CSMD2: variants seen among roughly 807,000 people sequenced by gnomAD.
The protein encoded by CSMD2 is CUB and Sushi multiple domains 2.
Under a neutral mutation model 398.5 loss-of-function variants are expected in CSMD2, and 130 were observed. The observed-to-expected ratio is 0.33, with a 90% CI of 0.28 to 0.38. The LOEUF (loss-of-function observed/expected upper bound fraction) is 0.38. Ranked by LOEUF, CSMD2 falls within the 10% of genes least tolerant of loss-of-function variation. CSMD2 has a pLI of 1.00. For synonymous variants in CSMD2, 1,828 were observed against 1,908.5 expected (o/e 0.96, Z 1.10); for missense variants, 3,829 against 4,764.9 (o/e 0.80, Z 5.78).
intron 2 of CSMD2, among the ~76,000 whole-genome samples, chr1:34,069,436 G>A (rs1182894038): frequency 6.6e-6 from 1 of 152,190 alleles, no homozygotes; most frequent in Non-Finnish European, 1.5e-5. Flanking sequence ...TGGGTGCTTG[G>A]CTTGCATACA....
Position 33,668,257 on chromosome 1 carries a change from C to T in CSMD2, c.4053-5165G>A, listed in dbSNP as rs541882721. Among the ~76,000 whole-genome samples, 183 of 152,224 alleles carry T rather than the reference C, an allele frequency of 1.2e-3. 1 individual carries two copies. The highest frequency in any genetic ancestry group is 4.3e-3 in the African/African-American group (177 of 41,544). ...GATGGGGGGAGATGTTTGGTGTGTA[C>T]TATAGGAGCTGAGGGAAGTCATTGG... On this transcript the variant is annotated intron_variant, in intron 25 of 70. Transcript: ENST00000373381.
chr1:33,694,506 G>A (rs567695601), intron 24 of CSMD2, among the ~76,000 whole-genome samples: 21 of 152,178 alleles, frequency 1.4e-4, no homozygotes, highest in Non-Finnish European at 1.8e-4. Flanking sequence ...GAGCTCTCAC[G>A]AGATCTGATG....
chr1:33,987,501 G>A (rs1646400079), intron 3 of CSMD2, among the ~76,000 whole-genome samples: 1 of 152,136 alleles, frequency 6.6e-6, no homozygotes, highest in African/African-American at 2.4e-5. Context: ...GTCCTAACCA[G>A]TATATTAAAC....
chr1:34,087,652 AT>A (rs1658053971), intron 2 of CSMD2, among the ~76,000 whole-genome samples: 5 of 141,758 alleles, frequency 3.5e-5, no homozygotes, highest in African/African-American at 1.3e-4. Context: ...AATAATAATA[AT>A]AATAAAGCCA....
chr1:34,089,810 C>T lies in CSMD2; in HGVS notation c.188-617G>A, dbSNP rs112362022. On this transcript the variant is annotated intron_variant, in intron 1 of 70. Coordinates refer to ENST00000373381, the MANE Select transcript of CSMD2 (RefSeq NM_001281956.2). ...TTTCTAACGTGTGTTCAGTCATTTC[C>T]TCTCCACTAGTATCTTCTCATTTTA... Among the ~76,000 whole-genome samples, 303 of 152,220 alleles carry T rather than the reference C, an allele frequency of 2.0e-3. 1 individual carries two copies. The highest frequency in any genetic ancestry group is 7.0e-3 in the African/African-American group (290 of 41,528).
chr1:33,879,797 G>A (rs1322670819), intron 5 of CSMD2, among the ~76,000 whole-genome samples: 2 of 152,164 alleles, frequency 1.3e-5, no homozygotes, highest in Non-Finnish European at 2.9e-5. Flanking sequence ...TCTTGTCCGT[G>A]TAAAGGGTGA....
intron 55 of CSMD2, 49 bp from the exon 56 acceptor site, chr1:33,550,399 A>T (rs1213570602): frequency 9.6e-6 from 15 of 1,561,094 alleles, no homozygotes; most frequent in Non-Finnish European, 1.3e-5. Flanking sequence ...GGGATGGCTC[A>T]CCATCACACA....
At chr1:34,032,540 G>T (rs1650582146) in intron 3 of CSMD2, 54 bp downstream of exon 3, 1 of 1,153,596 alleles carries the variant, frequency 8.7e-7, no homozygotes, top group South Asian at 1.5e-5. Flanking sequence ...TCCTGCTTGT[G>T]GCTATTAGGA....
chr1:33,802,558 C>T (rs889204600), intron 10 of CSMD2, among the ~76,000 whole-genome samples: 1 of 152,142 alleles, frequency 6.6e-6, no homozygotes, highest in African/African-American at 2.4e-5. Context: ...GCCCAGGTAG[C>T]AGAGGTCCTA....
intron 1 of CSMD2, among the ~76,000 whole-genome samples, chr1:34,159,328 G>GC (rs753448817): frequency 0.021 from 1,637 of 79,800 alleles, 14 homozygotes; most frequent in South Asian, 0.036. Context: ...TTTACAGCCT[G>GC]CCCCCCCCCC....
At chr1:33,640,168 T>C (rs186418198) in intron 29 of CSMD2, among the ~76,000 whole-genome samples, 1 of 152,290 alleles carries the variant, frequency 6.6e-6, no homozygotes, top group East Asian at 1.9e-4. Flanking sequence ...CTGGTCCTAA[T>C]AGATGAGGCT....
chr1:34,004,385 TAA>T (rs1646994901), intron 3 of CSMD2, among the ~76,000 whole-genome samples: 2 of 152,214 alleles, frequency 1.3e-5, no homozygotes, highest in Non-Finnish European at 2.9e-5. Context: ...GGAAGTAGGC[TAA>T]AGACATTCTC....
chr1:33,802,868 C>T (rs1275426611), intron 10 of CSMD2, among the ~76,000 whole-genome samples: 1 of 152,160 alleles, frequency 6.6e-6, no homozygotes, highest in Non-Finnish European at 1.5e-5. Flanking sequence ...CTAACATACT[C>T]CAGTTCCAAT....
At chr1:34,041,839 C>A (rs920501756) in intron 2 of CSMD2, among the ~76,000 whole-genome samples, 1 of 152,344 alleles carries the variant, frequency 6.6e-6, no homozygotes, top group African/African-American at 2.4e-5. Context: ...CAGAGAGACA[C>A]ACTTGGGCTC....
chr1:33,675,645 GAC>G (rs1444709584), intron 25 of CSMD2, among the ~76,000 whole-genome samples: 2 of 152,100 alleles, frequency 1.3e-5, no homozygotes, highest in Non-Finnish European at 2.9e-5. Flanking sequence ...GCCTGGCAGA[GAC>G]ACAACAAAAA....
intron 32 of CSMD2, among the ~76,000 whole-genome samples, chr1:33,628,985 T>G (rs1257937169): frequency 6.6e-6 from 1 of 151,972 alleles, no homozygotes; most frequent in Non-Finnish European, 1.5e-5. Context: ...ACAATCAAGG[T>G]GTCATTTATA....
chr1:33,684,715 G>A (rs1335439412), intron 25 of CSMD2, among the ~76,000 whole-genome samples: 2 of 152,116 alleles, frequency 1.3e-5, no homozygotes, highest in East Asian at 3.9e-4. Context: ...CACATGCCTG[G>A]GAGGGCCTCA....
chr1:33,663,503 A>AT lies in CSMD2; in HGVS notation c.4053-412_4053-411insA, dbSNP rs533547350. 5.7e-3 allele frequency among the ~76,000 whole-genome samples: 871 copies of AT among 152,196 alleles called. 6 individuals are homozygous for AT. The highest frequency in any genetic ancestry group is 0.02 in the African/African-American group (817 of 41,504). On this transcript the variant is annotated intron_variant, in intron 25 of 70. Coordinates refer to ENST00000373381, the MANE Select transcript of CSMD2 (RefSeq NM_001281956.2). ...ACAAAGGATATAGGTAAAAAAAAAA[A>AT]AATAATTGGGGCTAGAGGGCAGGGG... is the stretch of plus-strand genomic sequence containing the variant.
In CSMD2 at chr1:33,567,789, G is replaced by C. The variant is rs750950415; in HGVS notation, c.8184C>G (p.Leu2728=). ...CAGCTTTGGTGAGGGATGGGGAAGA[G>C]AGTACATCGAAGAGGAGCTTATAGA... ...SIFYKLLFDV[L]SSPSLTKAGH... Residue 2728 remains leucine (L), a synonymous_variant, in exon 53 of 71, where the codon CTC becomes CTG. Coordinates refer to ENST00000373381, the MANE Select transcript of CSMD2 (RefSeq NM_001281956.2). 3.7e-6 allele frequency: 6 copies of C among 1,612,630 alleles called. No homozygotes were observed. The highest frequency in any genetic ancestry group is 3.3e-5 in the Admixed American group (2 of 59,850).
Sources: allele counts gnomAD v4.1 joint callset (sites outside exome capture counted in the v4.1 genomes callset), GRCh38; gene constraint gnomAD v4.1.1; transcripts MANE v1.5; gene names NCBI Gene and HGNC (gene_info 2026-07-23, HGNC 2026-07-21).